CRYZL1: variants seen among roughly 807,000 people sequenced by gnomAD.
CRYZL1 encodes crystallin zeta like 1, also known as ferry endosomal RAB5 effector complex subunit 4.
A neutral mutation model predicts 50.6 loss-of-function variants in CRYZL1; 34 were observed. That is an observed-to-expected ratio of 0.67 (90% CI 0.51 to 0.89). CRYZL1 has a LOEUF of 0.89. CRYZL1 is among the 40% of genes least tolerant of loss of function. The probability of loss-of-function intolerance (pLI) is 0.00; values close to 1 mark genes in which losing one functional copy is unlikely to be tolerated. For synonymous variants in CRYZL1, 125 were observed against 134.3 expected, an observed-to-expected ratio of 0.93 and a Z score of 0.48; for missense variants, 354 against 402.3, an observed-to-expected ratio of 0.88 and a Z score of 1.03.
chr21:33,601,777 C>A (rs918939652), intron 8 of CRYZL1, among the ~76,000 whole-genome samples: 3 of 151,862 alleles, frequency 2.0e-5, no homozygotes, highest in East Asian at 1.9e-4. Flanking sequence ...ATTAGCTGGG[C>A]GTGATGGCAT....
At chr21:33,626,983 C>T (rs764035812) in intron 2 of CRYZL1, among the ~76,000 whole-genome samples, 29 of 152,118 alleles carry the variant, frequency 1.9e-4, no homozygotes, top group Non-Finnish European at 3.7e-4. Flanking sequence ...ACAGTTTTGA[C>T]AAAACTTGGT....
chr21:33,632,246 C>A (rs981392880), intron 1 of CRYZL1, among the ~76,000 whole-genome samples: 1 of 151,576 alleles, frequency 6.6e-6, no homozygotes, highest in African/African-American at 2.4e-5. Context: ...ACAGGAGAAC[C>A]GCTTAAACCT....
intron 1 of CRYZL1, among the ~76,000 whole-genome samples, chr21:33,633,449 T>G (rs868146438): frequency 3.8e-4 from 58 of 151,826 alleles, no homozygotes; most frequent in African/African-American, 1.3e-3. Flanking sequence ...TGCAACAGAG[T>G]CTTGCTCTGT....
intron 4 of CRYZL1, among the ~76,000 whole-genome samples, chr21:33,618,345 G>A (rs1368232506): frequency 6.7e-6 from 1 of 149,584 alleles, no homozygotes; most frequent in Non-Finnish European, 1.5e-5. Context: ...CATATGTAGA[G>A]AAAAAGCCTC....
chr21:33,637,788 T>TATATATATATATATATATAC (rs1491462371), intron 1 of CRYZL1, among the ~76,000 whole-genome samples: 1 of 117,208 alleles, frequency 8.5e-6, no homozygotes, highest in African/African-American at 3.1e-5. Context: ...TATATATATA[T>TATATATATATATATATATAC]ACACACACAC....
intron 11 of CRYZL1, among the ~76,000 whole-genome samples, chr21:33,592,584 T>C (rs1465800394): frequency 6.6e-6 from 1 of 152,232 alleles, no homozygotes; most frequent in Non-Finnish European, 1.5e-5. Flanking sequence ...GAAATTATAA[T>C]ACTAAGATCA....
At chr21:33,611,931 C>T (rs548735120) in intron 6 of CRYZL1, among the ~76,000 whole-genome samples, 1 of 152,292 alleles carries the variant, frequency 6.6e-6, no homozygotes, top group East Asian at 1.9e-4. Context: ...TTTTTTCACT[C>T]AATGCTGTTT....
chr21:33,641,220 G>A (rs1273508146), intron 1 of CRYZL1: 15 of 1,550,510 alleles, frequency 9.7e-6, no homozygotes, highest in Non-Finnish European at 1.3e-5. Flanking sequence ...TAATGAAGAG[G>A]GCCGATCTGG....
At chr21:33,637,289 C>G (rs2087218670) in intron 1 of CRYZL1, among the ~76,000 whole-genome samples, 1 of 151,622 alleles carries the variant, frequency 6.6e-6, no homozygotes, top group African/African-American at 2.4e-5. Context: ...ACTAAAAATA[C>G]AAAAAATTAG....
rs2086679525 is a variant in CRYZL1 at position 33,594,944 on chromosome 21, G to A, written c.904+787C>T. Reference sequence around the variant, plus strand: ...GATATTCAGTAGAGAGAAGTGTAAGGCTATGTAAATCTTTCTTCAGACACA... The same window carrying A: ...GATATTCAGTAGAGAGAAGTGTAAGACTATGTAAATCTTTCTTCAGACACA... On this transcript the variant is annotated intron_variant, in intron 11 of 12. Coordinates refer to ENST00000381554, the MANE Select transcript of CRYZL1 (RefSeq NM_145858.3). 3 of 162,298 alleles carry A rather than the reference G, an allele frequency of 1.8e-5. No individual in the cohort carries two copies. In the South Asian group the frequency reaches 5.0e-4, roughly 27 times the overall value. 10.1% of individuals were successfully genotyped at this position (162,298 alleles called of 1,614,324 possible).
rs536872131 is a variant in CRYZL1, at chr21:33,641,510, C to G, written c.-7+171G>C. ...AACTGTCCCTCAAATCTAGTCTTAC[C>G]CACCCCTCAGCGGCCTCAGCTAAGC... On this transcript the variant is annotated intron_variant, in intron 1 of 12. Coordinates refer to ENST00000381554, the MANE Select transcript of CRYZL1 (RefSeq NM_145858.3). Among the ~76,000 whole-genome samples, 71 of 152,312 alleles carry G rather than the reference C, an allele frequency of 4.7e-4. 1 individual carries two copies. The highest frequency in any genetic ancestry group is 1.7e-3 in the African/African-American group (71 of 41,560).
intron 3 of CRYZL1, among the ~76,000 whole-genome samples, chr21:33,624,199 C>T (rs894274522): frequency 6.6e-6 from 1 of 152,024 alleles, no homozygotes; most frequent in Non-Finnish European, 1.5e-5. Flanking sequence ...AATAATGTCC[C>T]TTATATAGAA....
chr21:33,613,702 G>T, intron 5 of CRYZL1, 96 bp from the exon 6 acceptor site: 1 of 887,074 alleles, frequency 1.1e-6, no homozygotes, highest in Non-Finnish European at 1.9e-6. Flanking sequence ...GTGAAATTTT[G>T]AGGAAGGTTC....
At chr21:33,595,233 T>C (rs969425562) in intron 11 of CRYZL1, 5 of 1,025,862 alleles carry the variant, frequency 4.9e-6, no homozygotes, top group African/African-American at 1.7e-5. Context: ...GTCAAACCTA[T>C]CTTCATTTGA....
At chr21:33,625,009 A>G (rs889242666) in intron 2 of CRYZL1, among the ~76,000 whole-genome samples, 2 of 152,244 alleles carry the variant, frequency 1.3e-5, no homozygotes, top group Non-Finnish European at 2.9e-5. Flanking sequence ...CAATATGGAT[A>G]TATATGTAGA....
intron 6 of CRYZL1, among the ~76,000 whole-genome samples, chr21:33,604,410 T>C (rs1282331196): frequency 7.6e-6 from 1 of 131,158 alleles, no homozygotes; most frequent in African/African-American, 3.0e-5. Context: ...GCGCCTTTGG[T>C]CCCAACTACT....
At chr21:33,616,555 G>A (rs754370562) in intron 5 of CRYZL1, 151 bp downstream of exon 5, 6 of 1,497,436 alleles carry the variant, frequency 4.0e-6, no homozygotes, top group East Asian at 2.6e-5. Flanking sequence ...GCCTCCCAAC[G>A]TGCTGGGATT....
chr21:33,596,074 G>A, intron 10 of CRYZL1: 2 of 596,030 alleles, frequency 3.4e-6, no homozygotes, highest in East Asian at 6.5e-5. Flanking sequence ...TGGTGGTGAA[G>A]TGGTAGGGGT....
intron 6 of CRYZL1, among the ~76,000 whole-genome samples, chr21:33,611,871 C>G (rs1177499661): frequency 6.6e-6 from 1 of 152,102 alleles, no homozygotes; most frequent in Non-Finnish European, 1.5e-5. Context: ...CATTTTTGAA[C>G]TGTATATAAA....
Sources: gnomAD v4.1 joint callset for allele counts (sites outside exome capture counted in the v4.1 genomes callset) on GRCh38, gnomAD v4.1.1 for gene constraint, MANE v1.5 for transcripts, NCBI Gene and HGNC (gene_info 2026-07-23, HGNC 2026-07-21) for gene names.